RBBP6: variants seen among roughly 807,000 people sequenced by gnomAD.
RBBP6 encodes the protein E3 ubiquitin-protein ligase RBBP6.
RBBP6 carries 25 observed loss-of-function variants against 167.7 expected under a neutral mutation model. The ratio of observed to expected loss-of-function variants is 0.15; its 90% CI spans 0.11 to 0.21. The LOEUF is 0.21. Ranked by LOEUF, RBBP6 falls within the 10% of genes least tolerant of loss-of-function variation. The pLI is 1.00. For missense variants in RBBP6, 1,868 were observed against 2,134.2 expected (o/e 0.88, Z 2.46); for synonymous variants, 789 against 735.8 (o/e 1.07, Z -1.17).
chr16:24,548,316 A>G (rs1444248971), intron 2 of RBBP6, among the ~76,000 whole-genome samples: 1 of 90,320 alleles, frequency 1.1e-5, no homozygotes, highest in African/African-American at 6.8e-5. Context: ...ATTTTTGTTC[A>G]GTTTTTTTTT....
intron 1 of RBBP6, among the ~76,000 whole-genome samples, chr16:24,545,512 G>C (rs1330159961): frequency 6.6e-6 from 1 of 151,784 alleles, no homozygotes. Context: ...TATTTTCTTA[G>C]GCTCTTCAAG....
In RBBP6 at chr16:24,567,548, T is replaced by C. The variant is rs184571108; in HGVS notation, c.1952+43T>C. On this transcript the variant is annotated intron_variant, in intron 15 of 17. Transcript: ENST00000319715. ...AAATTATTATACACTTTTTTCATTT[T>C]CTGATAATAACATTAAATAGGTGTC... 1.1e-4 allele frequency: 166 copies of C among 1,538,492 alleles called. No individual in the cohort carries two copies. In the African/African-American group the frequency reaches 2.0e-3, roughly 18 times the overall value.
chr16:24,559,487 G>A lies in RBBP6; in HGVS notation c.675-18G>A. ...TGCCTTCTTAACAATGGTAAAACATGAAAACTTTCTTTTACAGAGAAGCAT... is the reference window on the plus strand; with the variant it reads ...TGCCTTCTTAACAATGGTAAAACATAAAAACTTTCTTTTACAGAGAAGCAT... On this transcript the variant is annotated intron_variant, in intron 7 of 17. Coordinates refer to ENST00000319715, the MANE Select transcript of RBBP6 (RefSeq NM_006910.5). The A allele has an allele frequency of 1.3e-6, 2 of 1,577,424 alleles. No homozygotes were observed. The highest frequency in any genetic ancestry group is 1.7e-6 in the Non-Finnish European group (2 of 1,161,428).
At chr16:24,567,666 T>G in intron 15 of RBBP6, 126 bp from the exon 16 acceptor site, 1 of 1,247,308 alleles carries the variant, frequency 8.0e-7, no homozygotes, top group South Asian at 1.5e-5. Context: ...GATTCCTAGT[T>G]TATAGTTTTA....
At chr16:24,540,911 T>C (rs548383378) in intron 1 of RBBP6, 119 bp downstream of exon 1, 4 of 1,225,674 alleles carry the variant, frequency 3.3e-6, no homozygotes, top group Middle Eastern at 3.0e-4. Context: ...TCTAGTACTT[T>C]GGATACAACT....
At chr16:24,546,845 G>A (rs62030521) in intron 2 of RBBP6, among the ~76,000 whole-genome samples, 6,737 of 152,226 alleles carry the variant, frequency 0.044, 353 homozygotes, top group South Asian at 0.26. Flanking sequence ...AAATAGGGAC[G>A]TGAGTACTTA....
chr16:24,549,120 C>T, intron 3 of RBBP6, 139 bp downstream of exon 3: 2 of 1,502,404 alleles, frequency 1.3e-6, no homozygotes, highest in Non-Finnish European at 8.9e-7. Context: ...TTGATGACAG[C>T]TCAGTTGAAT....
chr16:24,563,109 C>A, intron 10 of RBBP6, 90 bp from the exon 11 acceptor site: 1 of 921,096 alleles, frequency 1.1e-6, no homozygotes, highest in Non-Finnish European at 1.7e-6. Context: ...ATCTTAACTG[C>A]AGGTGATGGG....
rs1426288827 is a variant in RBBP6 at position 24,570,896 on chromosome 16, G to A, written c.3830G>A (p.Ser1277Asn). The A allele has an allele frequency of 6.4e-7, 1 of 1,574,630 alleles. No homozygotes were observed. The highest frequency in any genetic ancestry group is 8.7e-7 in the Non-Finnish European group (1 of 1,154,338). The change falls in exon 18 of 18, where the codon AGT (serine) becomes AAT (asparagine). Residue 1277 changes from serine (S) to asparagine (N), a missense_variant. Around this residue, in one of 7 missense-constraint regions of RBBP6, gnomAD observed 673 missense variants for 691.5 expected, o/e 0.97. Coordinates refer to ENST00000319715, the MANE Select transcript of RBBP6 (RefSeq NM_006910.5). The stretch of plus-strand genomic sequence containing the variant: ...TTTAGTACGAGCTCAACTGGAGGCA[G>A]TCCTGTGCGGAAATCTGAAGAAAAA... Reference protein sequence around the residue: ...DYTSTSSTGGSPVRKSEEKTD... With the variant: ...DYTSTSSTGGNPVRKSEEKTD...
At position 24,571,916 on chromosome 16, in the gene RBBP6, A is replaced by G. The variant is rs1899350019; in HGVS notation, c.4850A>G (p.Gln1617Arg). The G allele has an allele frequency of 6.2e-7, 1 of 1,614,050 alleles. No individual in the cohort carries two copies. Among genetic ancestry groups the G allele is most frequent in the African/African-American group, 1.3e-5 (1 of 74,932 alleles). The change falls in exon 18 of 18, where the codon CAG becomes CGG. Residue 1617 changes from glutamine (Q) to arginine (R), a missense_variant. By Grantham distance (43) the Gln-to-Arg change is conservative. Coordinates refer to ENST00000319715, the MANE Select transcript of RBBP6 (RefSeq NM_006910.5). ...AAGAGTACTGTCAAGCCTAAACCCC[A>G]GTTAAGTCATTCCTCTAGACTTTCC... ...IDKSTVKPKP[Q>R]LSHSSRLSSD...
At chr16:24,567,538 T>G in intron 15 of RBBP6, 33 bp downstream of exon 15, 1 of 1,550,810 alleles carries the variant, frequency 6.4e-7, no homozygotes, top group Non-Finnish European at 8.7e-7. Context: ...ATTATACACT[T>G]TTTTCATTTT....
chr16:24,571,365 T>A lies in RBBP6; in HGVS notation c.4299T>A (p.Arg1433=). 6.2e-7 allele frequency: 1 copy of A among 1,614,046 alleles called. No homozygotes were observed. Among genetic ancestry groups the A allele is most frequent in the Non-Finnish European group, 8.5e-7 (1 of 1,180,018 alleles). ...TQPEKESNLD[R]LNEQGNFKSL... is the part of the protein sequence containing the mutation. ...CAGAGAAAGAGAGTAATTTGGACCG[T>A]CTGAATGAACAAGGAAATTTTAAAA... The change falls in exon 18 of 18, where the codon CGT becomes CGA. Residue 1433 remains arginine, a synonymous_variant. Coordinates refer to ENST00000319715, the MANE Select transcript of RBBP6 (RefSeq NM_006910.5).
rs781283937 is a variant in RBBP6, at chr16:24,563,188, G to A, written c.1290-11G>A. 7.6e-6 allele frequency: 12 copies of A among 1,586,462 alleles called. No homozygotes were observed. The Admixed American group carries it at 2.1e-4, about 28-fold the overall frequency. On this transcript the variant is annotated splice_polypyrimidine_tract_variant and intron_variant, in intron 10 of 17. Transcript: ENST00000319715. Reference sequence around the variant, plus strand: ...TAATTTTTAATGTATTATAATTTATGTTTTTTAAAGGGATTCTGATAATAA... The same window carrying A: ...TAATTTTTAATGTATTATAATTTATATTTTTTAAAGGGATTCTGATAATAA...
rs1255209013 is a variant in RBBP6 at position 24,569,462 on chromosome 16, T to A, written c.2772T>A (p.Ala924=). ...TKSKEKESEN[A]PGDGKGNKHK... ...CAAAAGAGAAGGAGAGTGAAAACGC[T>A]CCAGGAGATGGTAAAGGAAATAAGC... is the stretch of plus-strand genomic sequence containing the variant. Residue 924 remains alanine, a synonymous_variant, in exon 17 of 18, where the codon GCT becomes GCA. Transcript: ENST00000319715. The A allele has an allele frequency of 6.2e-7, 1 of 1,611,950 alleles. No homozygotes were observed. Among genetic ancestry groups the A allele is most frequent in the East Asian group, 2.2e-5 (1 of 44,852 alleles).
intron 2 of RBBP6, 70 bp downstream of exon 2, chr16:24,546,332 C>T: frequency 7.1e-7 from 1 of 1,414,892 alleles, no homozygotes; most frequent in Non-Finnish European, 9.2e-7. Context: ...TGAGAAAAAA[C>T]TGTATTTTAG....
chr16:24,553,601 A>G, intron 4 of RBBP6, 44 bp downstream of exon 4: 1 of 1,453,690 alleles, frequency 6.9e-7, no homozygotes, highest in East Asian at 2.4e-5. Context: ...TTTTTTTCTA[A>G]CATCATATTT....
rs1042265250 is a variant in RBBP6, at chr16:24,553,380, C to G, written c.304-133C>G. On this transcript the variant is annotated intron_variant, in intron 3 of 17. Transcript: ENST00000319715. ...AATGAAGTAGGCTGAGCTACATTTT[C>G]AAGCTTAACATTCTTTAGAAAACTA... 143 of 651,550 alleles carry G rather than the reference C, an allele frequency of 2.2e-4. 1 individual carries two copies. The highest frequency in any genetic ancestry group is 2.1e-3 in the African/African-American group (118 of 55,298). 40.4% of individuals were successfully genotyped at this position (651,550 alleles called of 1,614,324 possible). A position where few individuals can be genotyped will look rare whatever the true frequency, so the allele number is the denominator to read the frequency against.
intron 8 of RBBP6, among the ~76,000 whole-genome samples, chr16:24,561,350 C>T (rs1466077362): frequency 1.3e-5 from 2 of 152,132 alleles, no homozygotes; most frequent in Non-Finnish European, 2.9e-5. Context: ...CCCAGCCTCC[C>T]CAGGAGTGGG....
chr16:24,556,271 T>G (rs1203086981), intron 6 of RBBP6, 37 bp from the exon 7 acceptor site: 6 of 1,488,780 alleles, frequency 4.0e-6, no homozygotes, highest in Non-Finnish European at 4.6e-6. Flanking sequence ...TAACTGCTTT[T>G]TCTCTTCCTC....
Sources: gnomAD v4.1 joint callset for allele counts (sites outside exome capture counted in the v4.1 genomes callset) on GRCh38, gnomAD v4.1.1 for gene constraint, gnomAD v4.1.1 regional missense constraint, MANE v1.5 for transcripts, NCBI Gene and HGNC (gene_info 2026-07-23, HGNC 2026-07-21) for gene names.